Variants in NTM observed in about 807,000 individuals in gnomAD.
NTM encodes the protein neurotrimin.
In NTM, 13 loss-of-function variants were observed where a neutral mutation model predicts 42.1. That is an observed-to-expected ratio of 0.31 (90% CI 0.20 to 0.49). NTM has a LOEUF of 0.49. Among genes scored for constraint, NTM ranks in the 20% least tolerant of loss-of-function variants. The pLI, the probability that NTM is intolerant of heterozygous loss-of-function variation, is 0.99. For synonymous variants in NTM, 187 were observed against 179.2 expected (o/e 1.04, Z -0.35); for missense variants, 373 against 452.8 (o/e 0.82, Z 1.60).
chr11:132,196,313 T>C (rs572103522), intron 3 of NTM, among the ~76,000 whole-genome samples: 2 of 152,062 alleles, frequency 1.3e-5, no homozygotes, highest in African/African-American at 4.8e-5. Context: ...TTGGCAAAAT[T>C]GTAGAGAAAA....
At chr11:132,152,557 A>G (rs1323753389) in intron 3 of NTM, among the ~76,000 whole-genome samples, 1 of 152,250 alleles carries the variant, frequency 6.6e-6, no homozygotes, top group African/African-American at 2.4e-5. Context: ...AAATTCCACT[A>G]TAAAATTGGA....
chr11:131,435,387 G>A (rs1395771717), intron 1 of NTM, among the ~76,000 whole-genome samples: 1 of 152,162 alleles, frequency 6.6e-6, no homozygotes, highest in Non-Finnish European at 1.5e-5. Context: ...GGGCAGTATG[G>A]CCATTTTCAC....
intron 1 of NTM, among the ~76,000 whole-genome samples, chr11:131,803,322 T>C (rs1459840476): frequency 2.0e-5 from 3 of 151,960 alleles, no homozygotes; most frequent in Non-Finnish European, 4.4e-5. Context: ...TTCTTTCTTT[T>C]TCAGAGTCTC....
intron 1 of NTM, chr11:131,661,068 T>C: frequency 7.7e-7 from 1 of 1,299,680 alleles, no homozygotes; most frequent in Non-Finnish European, 1.0e-6. Context: ...TACTCAATTC[T>C]TCATCTTTTG....
chr11:131,868,640 C>T (rs569330663), intron 1 of NTM, among the ~76,000 whole-genome samples: 1 of 152,170 alleles, frequency 6.6e-6, no homozygotes, highest in African/African-American at 2.4e-5. Context: ...TTGCGATGTC[C>T]GTGCACACCC....
Position 132,330,107 on chromosome 11 carries a change from C to T in NTM, c.935-46C>T, listed in dbSNP as rs780501825. On this transcript the variant is annotated intron_variant, in intron 7 of 8. Coordinates refer to ENST00000683400, the MANE Select transcript of NTM (RefSeq NM_001352005.2). The stretch of plus-strand genomic sequence containing the variant: ...CATCTGAGGGCAAAGTGAGCATCTC[C>T]GTCTGCTTTCGACCTTAACAGTGGC... 29 of 1,550,210 alleles carry T rather than the reference C, an allele frequency of 1.9e-5. No homozygotes were observed. In the South Asian group the frequency reaches 2.0e-4, roughly 11 times the overall value.
At chr11:132,118,711 C>G (rs907686542) in intron 2 of NTM, among the ~76,000 whole-genome samples, 3 of 152,186 alleles carry the variant, frequency 2.0e-5, no homozygotes, top group Non-Finnish European at 2.9e-5. Context: ...AAATCTCTGG[C>G]ACCCCCAAAC....
At chr11:131,710,248 G>A (rs909347372) in intron 1 of NTM, among the ~76,000 whole-genome samples, 6 of 152,076 alleles carry the variant, frequency 3.9e-5, no homozygotes, top group South Asian at 2.1e-4. Context: ...TCTTGTCAGC[G>A]TACAAATATT....
At chr11:131,991,019 T>G (rs1270000846) in intron 2 of NTM, among the ~76,000 whole-genome samples, 2 of 152,158 alleles carry the variant, frequency 1.3e-5, no homozygotes, top group African/African-American at 4.8e-5. Flanking sequence ...AAACCAGTAC[T>G]GCACAATAAA....
intron 1 of NTM, among the ~76,000 whole-genome samples, chr11:131,489,513 T>A (rs941344322): frequency 6.6e-6 from 1 of 152,220 alleles, no homozygotes; most frequent in East Asian, 1.9e-4. Flanking sequence ...TTCCAGGACT[T>A]CTTTTGTCTG....
chr11:132,073,488 T>C (rs1162367265), intron 2 of NTM, among the ~76,000 whole-genome samples: 5 of 152,208 alleles, frequency 3.3e-5, no homozygotes, highest in Admixed American at 2.6e-4. Flanking sequence ...GCTATGAGTA[T>C]TGTTAAAAGG....
At chr11:131,498,831 T>G (rs1176796134) in intron 1 of NTM, among the ~76,000 whole-genome samples, 1 of 152,156 alleles carries the variant, frequency 6.6e-6, no homozygotes, top group African/African-American at 2.4e-5. Flanking sequence ...TTGCTTGCCC[T>G]CTCCTGGAGG....
intron 2 of NTM, among the ~76,000 whole-genome samples, chr11:132,084,977 C>A (rs1486428609): frequency 6.6e-6 from 1 of 152,180 alleles, no homozygotes; most frequent in African/African-American, 2.4e-5. Flanking sequence ...ACAAATTTTG[C>A]TAATGAGTGG....
intron 2 of NTM, among the ~76,000 whole-genome samples, chr11:132,104,980 TA>T: frequency 5.0e-5 from 6 of 120,268 alleles, no homozygotes; most frequent in African/African-American, 1.0e-4. Context: ...TATATATATA[TA>T]TATATATATA....
At chr11:131,651,374 C>T (rs1250593603) in intron 1 of NTM, among the ~76,000 whole-genome samples, 2 of 152,202 alleles carry the variant, frequency 1.3e-5, no homozygotes, top group African/African-American at 4.8e-5. Flanking sequence ...GAATTAGCTA[C>T]TCATTGTTAT....
At chr11:131,583,550 G>T (rs1290265474) in intron 1 of NTM, among the ~76,000 whole-genome samples, 1 of 152,208 alleles carries the variant, frequency 6.6e-6, no homozygotes, top group East Asian at 1.9e-4. Context: ...GAGTAATCGC[G>T]CCTTACCTTC....
At chr11:131,476,242 A>C (rs1952927489) in intron 1 of NTM, among the ~76,000 whole-genome samples, 1 of 152,114 alleles carries the variant, frequency 6.6e-6, no homozygotes, top group Admixed American at 6.5e-5. Flanking sequence ...GTTAGGGAGC[A>C]CTCTTCCATG....
chr11:131,524,359 C>T (rs2136599994), intron 1 of NTM, among the ~76,000 whole-genome samples: 1 of 152,332 alleles, frequency 6.6e-6, no homozygotes, highest in East Asian at 1.9e-4. Context: ...CCAGGCTGGG[C>T]CTGGTGCTGA....
At chr11:132,275,251 T>A (rs778512559) in intron 4 of NTM, among the ~76,000 whole-genome samples, 17 of 152,126 alleles carry the variant, frequency 1.1e-4, no homozygotes, top group Non-Finnish European at 4.4e-5. Flanking sequence ...TTCATTTTTC[T>A]GATTCAGATA....
Sources: gnomAD v4.1 joint callset for allele counts (sites outside exome capture counted in the v4.1 genomes callset) on GRCh38, gnomAD v4.1.1 for gene constraint, MANE v1.5 for transcripts, NCBI Gene and HGNC (gene_info 2026-07-23, HGNC 2026-07-21) for gene names.